PLXDC2: variants seen among roughly 807,000 people sequenced by gnomAD.
The protein encoded by PLXDC2 is plexin domain-containing protein 2.
In PLXDC2, 40 loss-of-function variants were observed where a neutral mutation model predicts 68.9. That is an observed-to-expected ratio of 0.58 (90% confidence interval 0.45 to 0.76). The LOEUF is 0.76. Ranked by LOEUF, PLXDC2 falls within the 30% of genes least tolerant of loss-of-function variation. PLXDC2 has a pLI of 0.00. For synonymous variants in PLXDC2, 243 were observed against 234.2 expected (o/e 1.04, Z -0.34); for missense variants, 644 against 661.9 (o/e 0.97, Z 0.30).
At chr10:20,259,720 G>C (rs893729829) in intron 13 of PLXDC2, among the ~76,000 whole-genome samples, 2 of 152,206 alleles carry the variant, frequency 1.3e-5, no homozygotes, top group Non-Finnish European at 2.9e-5. Flanking sequence ...TGTGAGAAGA[G>C]CAGCAGAAAG....
intron 13 of PLXDC2, among the ~76,000 whole-genome samples, chr10:20,269,714 G>A (rs1174577350): frequency 1.3e-5 from 2 of 152,068 alleles, no homozygotes; most frequent in African/African-American, 2.4e-5. Flanking sequence ...AATCAGTGAT[G>A]TAATAAAGAA....
intron 9 of PLXDC2, among the ~76,000 whole-genome samples, chr10:20,196,405 C>T (rs1013247229): frequency 2.0e-5 from 3 of 152,150 alleles, no homozygotes; most frequent in African/African-American, 4.8e-5. Flanking sequence ...TCGACCTGTG[C>T]TAGGTGCCAT....
chr10:20,031,935 T>C (rs1835507219), intron 2 of PLXDC2, among the ~76,000 whole-genome samples: 1 of 152,062 alleles, frequency 6.6e-6, no homozygotes, highest in Non-Finnish European at 1.5e-5. Flanking sequence ...TTCTCCTGCC[T>C]CAGCCTCCCG....
At chr10:19,942,303 G>T (rs1833832942) in intron 1 of PLXDC2, among the ~76,000 whole-genome samples, 2 of 152,134 alleles carry the variant, frequency 1.3e-5, no homozygotes, top group Admixed American at 6.5e-5. Context: ...ATACTAAAAA[G>T]ACAGGATATT....
At position 20,220,393 on chromosome 10, in the gene PLXDC2, A is replaced by G. The variant is rs555792300; in HGVS notation, c.1312+1291A>G. On this transcript the variant is annotated intron_variant, in intron 12 of 13. Coordinates refer to ENST00000377252, the MANE Select transcript of PLXDC2 (RefSeq NM_032812.9). ...TAATGGAATGGGGGAAGAGTCCCCA[A>G]GAGACTTCTCTTTTACTTGTTACCT... Among the ~76,000 whole-genome samples the G allele has an allele frequency of 4.6e-5, 7 of 152,264 alleles. No individual in the cohort carries two copies. In the South Asian group the frequency reaches 1.0e-3, roughly 23 times the overall value.
At chr10:20,125,152 C>T (rs766526939) in intron 4 of PLXDC2, among the ~76,000 whole-genome samples, 1 of 152,030 alleles carries the variant, frequency 6.6e-6, no homozygotes, top group East Asian at 1.9e-4. Flanking sequence ...AATCAACCCC[C>T]TACCCACACA....
At chr10:19,911,582 C>G (rs1223715998) in intron 1 of PLXDC2, among the ~76,000 whole-genome samples, 1 of 152,230 alleles carries the variant, frequency 6.6e-6, no homozygotes, top group East Asian at 1.9e-4. Context: ...GATTCACAGA[C>G]AGAACTTAAG....
intron 1 of PLXDC2, among the ~76,000 whole-genome samples, chr10:19,937,544 G>GTATGTATATATA (rs1554846745): frequency 7.3e-5 from 7 of 95,966 alleles, no homozygotes; most frequent in African/African-American, 2.1e-4. Flanking sequence ...TATAGTCAAT[G>GTATGTATATATA]TATATATATA....
chr10:19,850,852 T>G (rs1837102973), intron 1 of PLXDC2, among the ~76,000 whole-genome samples: 1 of 151,956 alleles, frequency 6.6e-6, no homozygotes, highest in South Asian at 2.1e-4. Flanking sequence ...AAGCCCAGAG[T>G]CCTGTGCTGT....
intron 2 of PLXDC2, among the ~76,000 whole-genome samples, chr10:20,003,834 C>G (rs1834981248): frequency 6.6e-6 from 1 of 152,168 alleles, no homozygotes; most frequent in African/African-American, 2.4e-5. Flanking sequence ...CTCTCAGTTA[C>G]TAAGGAAGTC....
chr10:20,238,035 T>C (rs536381378), intron 12 of PLXDC2, among the ~76,000 whole-genome samples: 1 of 152,144 alleles, frequency 6.6e-6, no homozygotes, highest in Admixed American at 6.5e-5. Flanking sequence ...ATTACACTTC[T>C]AAATACAGAA....
chr10:20,039,000 T>C (rs1030810358), intron 2 of PLXDC2, among the ~76,000 whole-genome samples: 5 of 152,196 alleles, frequency 3.3e-5, no homozygotes, highest in African/African-American at 1.2e-4. Flanking sequence ...GGAATCTATG[T>C]GCAGGAAAGG....
chr10:20,090,590 A>T (rs1045966074), intron 4 of PLXDC2, among the ~76,000 whole-genome samples: 8 of 152,296 alleles, frequency 5.3e-5, no homozygotes, highest in Admixed American at 1.3e-4. Flanking sequence ...TTTAAGGTAC[A>T]TTTAATGCCT....
intron 9 of PLXDC2, among the ~76,000 whole-genome samples, chr10:20,189,160 G>T (rs1834725946): frequency 1.3e-5 from 1 of 75,562 alleles, no homozygotes; most frequent in African/African-American, 3.2e-5. Flanking sequence ...TTTAACAAAA[G>T]TGTACTAATT....
intron 4 of PLXDC2, among the ~76,000 whole-genome samples, chr10:20,092,226 A>C (rs1019699301): frequency 2.0e-5 from 3 of 152,178 alleles, no homozygotes; most frequent in Admixed American, 6.6e-5. Context: ...GCTTTAAATT[A>C]AAGCTTAAAC....
intron 1 of PLXDC2, among the ~76,000 whole-genome samples, chr10:19,871,814 A>AGGT (rs1231772619): frequency 2.7e-5 from 4 of 149,866 alleles, no homozygotes; most frequent in African/African-American, 9.8e-5. Flanking sequence ...TGAACCCGGG[A>AGGT]GGCGGAGGTT....
chr10:20,087,607 A>G (rs1833217382), intron 4 of PLXDC2, among the ~76,000 whole-genome samples: 1 of 152,224 alleles, frequency 6.6e-6, no homozygotes, highest in Non-Finnish European at 1.5e-5. Flanking sequence ...CAATAGATGC[A>G]GTTTAAATAG....
chr10:20,071,657 A>T (rs1260686897), intron 4 of PLXDC2, among the ~76,000 whole-genome samples: 1 of 152,136 alleles, frequency 6.6e-6, no homozygotes, highest in Admixed American at 6.5e-5. Context: ...TTCCTTTATA[A>T]ATTACCCAGT....
intron 1 of PLXDC2, among the ~76,000 whole-genome samples, chr10:19,913,515 A>G (rs955059996): frequency 6.6e-6 from 1 of 152,164 alleles, no homozygotes; most frequent in Admixed American, 6.5e-5. Context: ...CTGATTTCAA[A>G]CTTAGATGTT....
Sources: gnomAD v4.1 joint callset for allele counts (sites outside exome capture counted in the v4.1 genomes callset) on GRCh38, gnomAD v4.1.1 for gene constraint, MANE v1.5 for transcripts, NCBI Gene and HGNC (gene_info 2026-07-23, HGNC 2026-07-21) for gene names.